The following NSF variants were observed in gnomAD, a reference collection of about 807,000 sequenced individuals.
The protein encoded by NSF is N-ethylmaleimide sensitive factor, vesicle fusing ATPase, also known as vesicle-fusing ATPase.
In NSF, 14 loss-of-function variants were observed where a neutral mutation model predicts 50.3. That is an observed-to-expected ratio of 0.28 (90% CI 0.18 to 0.44). The LOEUF is 0.44. NSF is among the 20% of genes least tolerant of loss of function. The pLI is 1.00. For missense variants in NSF, 218 were observed against 504.3 expected (o/e 0.43, Z 5.44); for synonymous variants, 109 against 175.7 (o/e 0.62, Z 3.00).
chr17:46,625,879 T>TA (rs147622864), intron 2 of NSF, among the ~76,000 whole-genome samples: 5,462 of 58,364 alleles, frequency 0.094, 76 homozygotes, highest in East Asian at 0.13. Flanking sequence ...CCACATGTAT[T>TA]AAAAAAAAAA....
chr17:46,601,955 G>A (rs2057915745), intron 1 of NSF, among the ~76,000 whole-genome samples: 1 of 145,498 alleles, frequency 6.9e-6, no homozygotes, highest in Non-Finnish European at 1.5e-5. Context: ...AGGCTGAGGC[G>A]GGTGGATCAC....
At chr17:46,725,344 T>C (rs2058877367) in intron 15 of NSF, among the ~76,000 whole-genome samples, 1 of 152,036 alleles carries the variant, frequency 6.6e-6, no homozygotes, top group African/African-American at 2.4e-5. Flanking sequence ...GACGAAAGGA[T>C]AGATGGGGTT....
At chr17:46,703,650 C>T (rs1477690948) in intron 12 of NSF, among the ~76,000 whole-genome samples, 2 of 127,376 alleles carry the variant, frequency 1.6e-5, no homozygotes, top group East Asian at 4.5e-4. Context: ...CACTGCACTC[C>T]AGCCTGGGGG....
At chr17:46,730,339 A>G (rs16941322) in intron 17 of NSF, among the ~76,000 whole-genome samples, 1 of 152,134 alleles carries the variant, frequency 6.6e-6, no homozygotes, top group Admixed American at 6.5e-5. Flanking sequence ...AATTTATGCT[A>G]AAAGTCACTT....
At chr17:46,605,462 A>AG (rs2057946999) in intron 1 of NSF, among the ~76,000 whole-genome samples, 1 of 150,976 alleles carries the variant, frequency 6.6e-6, no homozygotes, top group African/African-American at 2.4e-5. Context: ...AAAAAAAAAA[A>AG]AGCTGTCAGA....
At chr17:46,739,086 AAGT>A (rs2059038845) in intron 17 of NSF, among the ~76,000 whole-genome samples, 5 of 150,620 alleles carry the variant, frequency 3.3e-5, no homozygotes, top group Admixed American at 3.3e-4. Context: ...AAATACAAAA[AAGT>A]CCAGGCACGG....
chr17:46,695,221 G>T (rs1480285676), intron 12 of NSF, among the ~76,000 whole-genome samples: 1 of 140,086 alleles, frequency 7.1e-6, no homozygotes, highest in Non-Finnish European at 1.5e-5. Flanking sequence ...ACTCCAGCCT[G>T]GGTGACAGAG....
intron 7 of NSF, among the ~76,000 whole-genome samples, chr17:46,642,068 CCCA>C (rs1245985256): frequency 1.0e-5 from 1 of 98,766 alleles, no homozygotes; most frequent in African/African-American, 4.3e-5. Flanking sequence ...GTAAATTTTG[CCCA>C]CAAGAGGGCA....
intron 15 of NSF, among the ~76,000 whole-genome samples, chr17:46,715,868 C>T (rs2058763169): frequency 6.6e-6 from 1 of 152,138 alleles, no homozygotes; most frequent in Non-Finnish European, 1.5e-5. Context: ...AGTGTCCATA[C>T]AAGCTTATTC....
At chr17:46,722,499 C>T (rs1211237660) in intron 15 of NSF, among the ~76,000 whole-genome samples, 2 of 152,076 alleles carry the variant, frequency 1.3e-5, no homozygotes, top group Admixed American at 6.6e-5. Context: ...GATTTATCTA[C>T]CTAAAGTTGT....
In NSF at chr17:46,728,785, A is replaced by AG. The variant is rs1233310305; in HGVS notation, c.1829-70_1829-69insG. On this transcript the variant is annotated intron_variant, in intron 16 of 20. Transcript: ENST00000398238. ...TTTACTTTTGATGCAAAAAAAAAAAACAAAAACTGAATGTTTGGAATATGT... is the reference window on the plus strand; with the variant it reads ...TTTACTTTTGATGCAAAAAAAAAAAAGCAAAAACTGAATGTTTGGAATATGT... 3 of 1,150,412 alleles carry AG rather than the reference A, an allele frequency of 2.6e-6. No homozygotes were observed. The East Asian group carries it at 7.4e-5, about 28-fold the overall frequency. 71.3% of individuals were successfully genotyped at this position (1,150,412 alleles called of 1,614,324 possible).
At chr17:46,711,734 C>T (rs1368472947) in intron 14 of NSF, among the ~76,000 whole-genome samples, 1 of 152,118 alleles carries the variant, frequency 6.6e-6, no homozygotes, top group Admixed American at 6.5e-5. Context: ...AGTGAGGCCC[C>T]ATGACAAGGG....
At chr17:46,755,107 T>C (rs925966553) in intron 19 of NSF, among the ~76,000 whole-genome samples, 1 of 152,252 alleles carries the variant, frequency 6.6e-6, no homozygotes, top group Admixed American at 6.5e-5. Flanking sequence ...CCAGTGTACA[T>C]AGTTCTGGAA....
chr17:46,737,208 G>A (rs2059014699), intron 17 of NSF, among the ~76,000 whole-genome samples: 1 of 152,136 alleles, frequency 6.6e-6, no homozygotes, highest in African/African-American at 2.4e-5. Flanking sequence ...TGCACAAGGT[G>A]GGCACAGGTC....
intron 1 of NSF, among the ~76,000 whole-genome samples, chr17:46,603,611 CTT>C (rs2057936492): frequency 1.0e-5 from 1 of 100,416 alleles, no homozygotes; most frequent in Admixed American, 1.0e-4. Flanking sequence ...AATTTTCAAA[CTT>C]TTAAGAAAGC....
At chr17:46,745,399 G>T (rs2059118296) in intron 17 of NSF, among the ~76,000 whole-genome samples, 1 of 152,162 alleles carries the variant, frequency 6.6e-6, no homozygotes, top group African/African-American at 2.4e-5. Context: ...TGACCTCTTT[G>T]CAGTTTTTGG....
At chr17:46,753,765 A>C (rs1188974873) in intron 19 of NSF, among the ~76,000 whole-genome samples, 1 of 152,176 alleles carries the variant, frequency 6.6e-6, no homozygotes, top group Non-Finnish European at 1.5e-5. Flanking sequence ...CCTGATCTTC[A>C]GCGACTGACA....
chr17:46,745,051 T>C (rs2059113650), intron 17 of NSF, among the ~76,000 whole-genome samples: 1 of 152,152 alleles, frequency 6.6e-6, no homozygotes, highest in South Asian at 2.1e-4. Flanking sequence ...GCTTTTTTTT[T>C]TGCTTTCCGT....
At chr17:46,750,509 T>A (rs1469037607) in intron 18 of NSF, among the ~76,000 whole-genome samples, 1 of 152,228 alleles carries the variant, frequency 6.6e-6, no homozygotes. Context: ...TCAGAAAGTT[T>A]CCAATTTTGG....
Sources: allele counts gnomAD v4.1 joint callset (sites outside exome capture counted in the v4.1 genomes callset), GRCh38; gene constraint gnomAD v4.1.1; transcripts MANE v1.5; gene names NCBI Gene and HGNC (gene_info 2026-07-23, HGNC 2026-07-21).